The following ADGRL3 variants were observed in gnomAD, a reference collection of about 807,000 sequenced individuals.
The protein encoded by ADGRL3 is adhesion G protein-coupled receptor L3, also known as calcium-independent alpha-latrotoxin receptor 3.
ADGRL3 carries 62 observed loss-of-function variants against 153.5 expected under a neutral mutation model. The ratio of observed to expected loss-of-function variants is 0.40; its 90% CI spans 0.33 to 0.50. ADGRL3 has a LOEUF of 0.50. Ranked by LOEUF, ADGRL3 falls within the 20% of genes least tolerant of loss-of-function variation. The pLI, the probability that ADGRL3 is intolerant of heterozygous loss-of-function variation, is 0.47. For synonymous variants in ADGRL3, 710 were observed against 672.5 expected (o/e 1.06, Z -0.86); for missense variants, 1,641 against 1,859.4 (o/e 0.88, Z 2.16).
intron 8 of ADGRL3, among the ~76,000 whole-genome samples, chr4:61,761,280 T>C (rs1396335594): frequency 6.6e-6 from 1 of 152,202 alleles, no homozygotes; most frequent in Non-Finnish European, 1.5e-5. Context: ...GAAGTTTGTT[T>C]TGGGAAAGGG....
intron 8 of ADGRL3, among the ~76,000 whole-genome samples, chr4:61,784,205 C>T (rs11725404): frequency 0.079 from 11,997 of 152,038 alleles, 538 homozygotes; most frequent in Middle Eastern, 0.14. Flanking sequence ...AAGGAATACC[C>T]GAATAGACCA....
chr4:61,331,393 A>G (rs1048063545), intron 1 of ADGRL3, among the ~76,000 whole-genome samples: 9 of 152,188 alleles, frequency 5.9e-5, no homozygotes, highest in Non-Finnish European at 1.2e-4. Flanking sequence ...ACTTTGACCT[A>G]TATGATAGCC....
At chr4:61,666,943 A>G (rs1259262353) in intron 5 of ADGRL3, among the ~76,000 whole-genome samples, 2 of 152,200 alleles carry the variant, frequency 1.3e-5, no homozygotes, top group African/African-American at 2.4e-5. Flanking sequence ...GCATTTAACT[A>G]GTGAAAGATT....
chr4:61,749,766 G>A (rs868599640), intron 8 of ADGRL3, among the ~76,000 whole-genome samples: 5 of 152,026 alleles, frequency 3.3e-5, no homozygotes, highest in African/African-American at 1.2e-4. Context: ...GCTAAATGAC[G>A]AGTTAATGGG....
intron 13 of ADGRL3, among the ~76,000 whole-genome samples, chr4:61,913,964 A>G (rs1198587422): frequency 6.6e-6 from 1 of 152,168 alleles, no homozygotes; most frequent in African/African-American, 2.4e-5. Context: ...TAAATTCTAT[A>G]CATGAATATC....
At chr4:61,643,849 G>C in intron 5 of ADGRL3, among the ~76,000 whole-genome samples, 1 of 147,840 alleles carries the variant, frequency 6.8e-6, no homozygotes, top group East Asian at 2.0e-4. Context: ...GATTGGAATA[G>C]TTTCAGAAGG....
intron 1 of ADGRL3, among the ~76,000 whole-genome samples, chr4:61,294,022 C>T (rs1225533313): frequency 6.6e-6 from 1 of 152,174 alleles, no homozygotes; most frequent in African/African-American, 2.4e-5. Context: ...CCCCAACTTA[C>T]AGTGGTTCAA....
chr4:61,506,890 T>A (rs1347123498), intron 3 of ADGRL3, among the ~76,000 whole-genome samples: 2 of 152,086 alleles, frequency 1.3e-5, no homozygotes, highest in African/African-American at 4.8e-5. Flanking sequence ...TAACAGATGA[T>A]GTGAGGAAAA....
chr4:61,959,691 A>G (rs2098980611), intron 17 of ADGRL3, among the ~76,000 whole-genome samples: 1 of 152,206 alleles, frequency 6.6e-6, no homozygotes, highest in African/African-American at 2.4e-5. Context: ...ACCGTTGAAC[A>G]TGAAAGTACT....
intron 2 of ADGRL3, among the ~76,000 whole-genome samples, chr4:61,407,130 C>A (rs1374772339): frequency 6.6e-6 from 1 of 151,854 alleles, no homozygotes; most frequent in East Asian, 1.9e-4. Flanking sequence ...ATATTCAGTG[C>A]CTAAATCTGA....
intron 5 of ADGRL3, among the ~76,000 whole-genome samples, chr4:61,644,937 A>G (rs1462012370): frequency 1.3e-5 from 2 of 151,570 alleles, no homozygotes; most frequent in Non-Finnish European, 2.9e-5. Context: ...TTTGTAGGTC[A>G]CTCAGGACTT....
intron 8 of ADGRL3, among the ~76,000 whole-genome samples, chr4:61,744,462 C>G (rs1190490346): frequency 6.6e-6 from 1 of 151,872 alleles, no homozygotes; most frequent in African/African-American, 2.4e-5. Flanking sequence ...GGGAGGCACC[C>G]CCCAGTAGGG....
intron 2 of ADGRL3, among the ~76,000 whole-genome samples, chr4:61,400,309 A>G (rs2096914966): frequency 6.6e-6 from 1 of 151,866 alleles, no homozygotes; most frequent in African/African-American, 2.4e-5. Flanking sequence ...ACTTTACTAT[A>G]TCAGACCTGT....
At chr4:61,356,347 A>T (rs1449567666) in intron 1 of ADGRL3, among the ~76,000 whole-genome samples, 1 of 152,012 alleles carries the variant, frequency 6.6e-6, no homozygotes, top group African/African-American at 2.4e-5. Flanking sequence ...GCTACATCAA[A>T]TGCACTGTCT....
At chr4:61,407,948 G>T (rs1253135559) in intron 2 of ADGRL3, among the ~76,000 whole-genome samples, 1 of 151,952 alleles carries the variant, frequency 6.6e-6, no homozygotes, top group Non-Finnish European at 1.5e-5. Context: ...GTAGATTATC[G>T]TTATGAGGAA....
chr4:61,948,217 A>T lies in ADGRL3; in HGVS notation c.2746A>T (p.Thr916Ser), dbSNP rs777317990. ...RLLTTNKTHT[T>S]CSCNHLTNFA... The stretch of plus-strand genomic sequence containing the variant: ...CCTGACAACAAATAAGACACATACT[A>T]CATGCTCTTGTAACCACCTAACAAA... The change falls in exon 17 of 27, where the codon ACA becomes TCA. Residue 916 changes from threonine to serine, a missense_variant. Physicochemically the swap from Thr to Ser is moderately conservative, Grantham distance 58 (BLOSUM62 1). Transcript: ENST00000683033. 3.7e-6 allele frequency: 6 copies of T among 1,613,766 alleles called. No homozygotes were observed. In the African/African-American group the frequency reaches 8.0e-5, roughly 22 times the overall value.
chr4:61,754,153 T>C (rs189291525), intron 8 of ADGRL3, among the ~76,000 whole-genome samples: 61 of 152,362 alleles, frequency 4.0e-4, no homozygotes, highest in African/African-American at 1.4e-3. Context: ...AACTTTCTAG[T>C]CATATCTGAT....
rs753145214 is a variant in ADGRL3 at position 61,321,523 on chromosome 4, C to T, written c.-239-61601C>T. Reference sequence around the variant, plus strand: ...AGGGTTGGGGATATATTCTGAGGCACGGGTCCTGAAGCGATTTCATCATTG... The same window carrying T: ...AGGGTTGGGGATATATTCTGAGGCATGGGTCCTGAAGCGATTTCATCATTG... On this transcript the variant is annotated intron_variant, in intron 1 of 26. Transcript: ENST00000683033. Among the ~76,000 whole-genome samples, 4 of 151,382 alleles carry T rather than the reference C, an allele frequency of 2.6e-5. No homozygotes were observed. In the East Asian group the frequency reaches 5.8e-4, roughly 22 times the overall value.
intron 5 of ADGRL3, among the ~76,000 whole-genome samples, chr4:61,630,329 T>C (rs2093084627): frequency 6.6e-6 from 1 of 152,234 alleles, no homozygotes. Context: ...TTCATGACAT[T>C]TCTGTTTTAA....
Sources: gnomAD v4.1 joint callset for allele counts (sites outside exome capture counted in the v4.1 genomes callset) on GRCh38, gnomAD v4.1.1 for gene constraint, MANE v1.5 for transcripts, NCBI Gene and HGNC (gene_info 2026-07-23, HGNC 2026-07-21) for gene names.